Variants in SORCS1 observed in about 807,000 individuals in gnomAD.
SORCS1 encodes VPS10 domain-containing receptor SorCS1.
A neutral mutation model predicts 146.1 loss-of-function variants in SORCS1; 60 were observed. The observed-to-expected ratio is 0.41, with a 90% CI of 0.33 to 0.51. The LOEUF (loss-of-function observed/expected upper bound fraction) is 0.51, where lower values mean the gene tolerates loss of function less well. Among genes scored for constraint, SORCS1 ranks in the 20% least tolerant of loss-of-function variants. The pLI, the probability that SORCS1 is intolerant of heterozygous loss-of-function variation, is 0.21. For missense variants in SORCS1, 1,352 were observed against 1,487.6 expected (o/e 0.91, Z 1.50); for synonymous variants, 637 against 584.0 (o/e 1.09, Z -1.31).
intron 2 of SORCS1, among the ~76,000 whole-genome samples, chr10:106,907,587 G>C (rs1371157624): frequency 6.6e-6 from 1 of 152,018 alleles, no homozygotes; most frequent in Non-Finnish European, 1.5e-5. Flanking sequence ...TAGTAAATAT[G>C]TTCTTATTTT....
At chr10:107,072,050 C>T (rs1437326745) in intron 1 of SORCS1, among the ~76,000 whole-genome samples, 1 of 152,196 alleles carries the variant, frequency 6.6e-6, no homozygotes, top group Non-Finnish European at 1.5e-5. Flanking sequence ...GTTGGAAAAA[C>T]TGCAAACTGG....
At chr10:107,095,673 A>C (rs1191224169) in intron 1 of SORCS1, among the ~76,000 whole-genome samples, 3 of 152,164 alleles carry the variant, frequency 2.0e-5, no homozygotes, top group African/African-American at 7.2e-5. Context: ...CAGTGTACAA[A>C]TTTTAAATCC....
At chr10:106,947,706 C>T (rs1365719601) in intron 2 of SORCS1, among the ~76,000 whole-genome samples, 6 of 151,946 alleles carry the variant, frequency 3.9e-5, no homozygotes, top group South Asian at 2.1e-4. Context: ...ATTAGCCGGG[C>T]CTGGTGGCAG....
At chr10:106,963,240 C>A (rs1353057035) in intron 1 of SORCS1, among the ~76,000 whole-genome samples, 2 of 150,724 alleles carry the variant, frequency 1.3e-5, no homozygotes, top group Admixed American at 6.7e-5. Context: ...CTCAGCCTCC[C>A]AAGTAGCTGG....
chr10:106,979,910 T>G (rs1002910808), intron 1 of SORCS1, among the ~76,000 whole-genome samples: 1 of 152,232 alleles, frequency 6.6e-6, no homozygotes, highest in African/African-American at 2.4e-5. Context: ...TGGATTACGA[T>G]GATAATCAAG....
At chr10:106,864,638 C>A (rs560609928) in intron 2 of SORCS1, among the ~76,000 whole-genome samples, 1 of 152,234 alleles carries the variant, frequency 6.6e-6, no homozygotes, top group South Asian at 2.1e-4. Context: ...GGCCCTACTC[C>A]CACAACACAT....
intron 4 of SORCS1, among the ~76,000 whole-genome samples, chr10:106,773,057 C>G (rs908208269): frequency 1.3e-4 from 20 of 152,034 alleles, no homozygotes; most frequent in African/African-American, 4.1e-4. Context: ...AAGAGGAGGA[C>G]CCTGTTCATA....
intron 2 of SORCS1, among the ~76,000 whole-genome samples, chr10:106,930,012 C>T (rs1363259196): frequency 2.6e-5 from 4 of 152,106 alleles, no homozygotes; most frequent in Non-Finnish European, 4.4e-5. Flanking sequence ...TTTGGGAGGC[C>T]GAGGAGGGTG....
chr10:106,949,229 T>TTTA (rs201810965), intron 2 of SORCS1, among the ~76,000 whole-genome samples: 1 of 152,098 alleles, frequency 6.6e-6, no homozygotes, highest in Non-Finnish European at 1.5e-5. Context: ...ACACTCTGGT[T>TTTA]TTATTATTAT....
chr10:106,615,457 C>A (rs1369233096), intron 21 of SORCS1, among the ~76,000 whole-genome samples: 4 of 152,298 alleles, frequency 2.6e-5, no homozygotes, highest in African/African-American at 7.2e-5. Flanking sequence ...TGGGTTCAAT[C>A]TTTCCTGTTT....
intron 1 of SORCS1, among the ~76,000 whole-genome samples, chr10:107,126,293 A>G (rs1966707184): frequency 6.6e-6 from 1 of 152,162 alleles, no homozygotes; most frequent in African/African-American, 2.4e-5. Flanking sequence ...AATTACAAGT[A>G]AACACTTAGA....
chr10:107,034,999 A>G (rs991933018), intron 1 of SORCS1, among the ~76,000 whole-genome samples: 2 of 152,118 alleles, frequency 1.3e-5, no homozygotes, highest in Non-Finnish European at 2.9e-5. Context: ...AGAAATATCT[A>G]AAAGCTGGAA....
chr10:106,966,867 T>G (rs1480076124), intron 1 of SORCS1, among the ~76,000 whole-genome samples: 1 of 152,166 alleles, frequency 6.6e-6, no homozygotes, highest in Non-Finnish European at 1.5e-5. Flanking sequence ...TGCTGAAAGC[T>G]AAGTTCCTTC....
chr10:107,015,204 T>C (rs1279992519), intron 1 of SORCS1, among the ~76,000 whole-genome samples: 7 of 152,196 alleles, frequency 4.6e-5, no homozygotes, highest in Non-Finnish European at 1.0e-4. Flanking sequence ...ACTGTATACA[T>C]AGTACTGTTC....
At chr10:106,990,193 G>C (rs751245683) in intron 1 of SORCS1, among the ~76,000 whole-genome samples, 19 of 152,174 alleles carry the variant, frequency 1.2e-4, no homozygotes, top group Non-Finnish European at 2.5e-4. Flanking sequence ...ATCTCATCCA[G>C]TCAAGCTCTG....
In SORCS1 at chr10:106,618,289, C is replaced by T. The variant is rs775569490; in HGVS notation, c.2797-17G>A. On this transcript the variant is annotated splice_polypyrimidine_tract_variant and intron_variant, in intron 20 of 25. Coordinates refer to ENST00000263054, the MANE Select transcript of SORCS1 (RefSeq NM_052918.5). The stretch of plus-strand genomic sequence containing the variant: ...GATCAAAGGCTAAAATAAACAAGGG[C>T]CCAGAGTGAAGGGAAAGCTCTTTAG... The T allele has an allele frequency of 1.2e-6, 2 of 1,612,444 alleles. No individual in the cohort carries two copies. Among genetic ancestry groups the T allele is most frequent in the South Asian group, 2.2e-5 (2 of 90,916 alleles).
intron 24 of SORCS1, among the ~76,000 whole-genome samples, chr10:106,589,808 T>C (rs902565555): frequency 6.6e-6 from 1 of 152,052 alleles, no homozygotes; most frequent in Non-Finnish European, 1.5e-5. Context: ...GTGTAAATAC[T>C]TTGTTAAAAA....
chr10:106,734,015 C>A (rs575505331), intron 5 of SORCS1, among the ~76,000 whole-genome samples: 37 of 152,262 alleles, frequency 2.4e-4, no homozygotes, highest in Non-Finnish European at 2.5e-4. Context: ...AATACATATA[C>A]AACATTTTTG....
intron 1 of SORCS1, among the ~76,000 whole-genome samples, chr10:106,984,442 A>G (rs1956372966): frequency 7.0e-6 from 1 of 143,080 alleles, no homozygotes; most frequent in East Asian, 2.0e-4. Flanking sequence ...CATCCAGGCT[A>G]GAGTGCAGTG....
Sources: gnomAD v4.1 joint callset for allele counts (sites outside exome capture counted in the v4.1 genomes callset) on GRCh38, gnomAD v4.1.1 for gene constraint, MANE v1.5 for transcripts, NCBI Gene and HGNC (gene_info 2026-07-23, HGNC 2026-07-21) for gene names.